ZNF804B: variants seen among roughly 807,000 people sequenced by gnomAD.
ZNF804B encodes zinc finger 804B.
Under a neutral mutation model 101.4 loss-of-function variants are expected in ZNF804B, and 80 were observed. The observed-to-expected ratio is 0.79, with a 90% CI of 0.66 to 0.95. ZNF804B has a LOEUF of 0.95. ZNF804B is among the 40% of genes least tolerant of loss of function. ZNF804B has a pLI of 0.00. For synonymous variants in ZNF804B, 622 were observed against 558.8 expected (o/e 1.11, Z -1.59); for missense variants, 1,673 against 1,561.9 (o/e 1.07, Z -1.20).
intron 1 of ZNF804B, among the ~76,000 whole-genome samples, chr7:89,208,387 T>G (rs1175459504): frequency 6.6e-6 from 1 of 152,140 alleles, no homozygotes; most frequent in African/African-American, 2.4e-5. Context: ...TAGCCCTGTT[T>G]TATTGGTTGT....
rs562327179 is a variant in ZNF804B, at chr7:89,278,426, G to A, written c.250-48918G>A. ...TGTTTTAGACATGAAGTCCTTGCCC[G>A]TGCCTATGTCCTGAATGGTAATGCC... is the stretch of plus-strand genomic sequence containing the variant. On this transcript the variant is annotated intron_variant, in intron 2 of 3. Coordinates refer to ENST00000333190, the MANE Select transcript of ZNF804B (RefSeq NM_181646.5). Among the ~76,000 whole-genome samples the A allele has an allele frequency of 2.1e-4, 32 of 150,274 alleles. No homozygotes were observed. The East Asian group carries it at 3.9e-3, about 18-fold the overall frequency.
At chr7:89,314,945 G>A (rs1790700662) in intron 2 of ZNF804B, among the ~76,000 whole-genome samples, 1 of 152,148 alleles carries the variant, frequency 6.6e-6, no homozygotes, top group South Asian at 2.1e-4. Flanking sequence ...TGGTGAACAG[G>A]TGTGTATTAG....
At chr7:89,286,744 C>G (rs1790204793) in intron 2 of ZNF804B, among the ~76,000 whole-genome samples, 1 of 152,176 alleles carries the variant, frequency 6.6e-6, no homozygotes, top group Admixed American at 6.5e-5. Flanking sequence ...TCTGATTATT[C>G]AAGACCACTT....
intron 2 of ZNF804B, among the ~76,000 whole-genome samples, chr7:89,316,214 G>A (rs933320201): frequency 2.0e-5 from 3 of 152,048 alleles, no homozygotes; most frequent in African/African-American, 7.2e-5. Flanking sequence ...AAATGAAGCT[G>A]TGTTCTTCCT....
At chr7:89,087,688 A>G (rs1273745991) in intron 1 of ZNF804B, among the ~76,000 whole-genome samples, 1 of 152,004 alleles carries the variant, frequency 6.6e-6, no homozygotes, top group African/African-American at 2.4e-5. Flanking sequence ...GGTAGAAGAC[A>G]TTGACTCTCA....
chr7:89,156,731 C>G (rs748258115), intron 1 of ZNF804B, among the ~76,000 whole-genome samples: 2 of 151,898 alleles, frequency 1.3e-5, no homozygotes, highest in South Asian at 2.1e-4. Context: ...CACCATTTCT[C>G]TAATGCAAAA....
rs1791719070 is a variant in ZNF804B, at chr7:88,865,885, T to C, written c.108+105801T>C. On this transcript the variant is annotated intron_variant, in intron 1 of 3. Transcript: ENST00000333190. ...TTAGTCTGAATGTCACGCCCCTCCT[T>C]ACTTAAAATGGCATCCTGCCCTTCC... Among the ~76,000 whole-genome samples the C allele has an allele frequency of 1.3e-5, 2 of 152,228 alleles. 1 individual carries two copies. Among genetic ancestry groups the C allele is most frequent in the South Asian group, 4.1e-4 (2 of 4,828 alleles).
intron 2 of ZNF804B, among the ~76,000 whole-genome samples, chr7:89,273,848 A>G (rs1356147921): frequency 6.6e-6 from 1 of 152,192 alleles, no homozygotes; most frequent in African/African-American, 2.4e-5. Flanking sequence ...ATTTCTCTAA[A>G]TAACGATAAA....
At chr7:89,142,478 G>C (rs1790731479) in intron 1 of ZNF804B, among the ~76,000 whole-genome samples, 1 of 151,956 alleles carries the variant, frequency 6.6e-6, no homozygotes, top group South Asian at 2.1e-4. Flanking sequence ...ATGTGGTTTT[G>C]CTTCAAGTGA....
At chr7:89,015,948 C>A (rs1246222702) in intron 1 of ZNF804B, among the ~76,000 whole-genome samples, 1 of 151,880 alleles carries the variant, frequency 6.6e-6, no homozygotes, top group Non-Finnish European at 1.5e-5. Context: ...TTTACAGTCC[C>A]ACCAACAGTG....
At chr7:89,307,563 CATTT>C (rs549510612) in intron 2 of ZNF804B, among the ~76,000 whole-genome samples, 23 of 152,018 alleles carry the variant, frequency 1.5e-4, no homozygotes, top group Non-Finnish European at 2.8e-4. Flanking sequence ...GCAATTCATT[CATTT>C]AGAGTATCTT....
intron 1 of ZNF804B, among the ~76,000 whole-genome samples, chr7:88,964,204 A>G (rs1793426111): frequency 6.6e-6 from 1 of 151,494 alleles, no homozygotes; most frequent in African/African-American, 2.4e-5. Context: ...ACTGAAAGCA[A>G]GAACTTGAAC....
At chr7:88,898,345 C>CA (rs1163368162) in intron 1 of ZNF804B, among the ~76,000 whole-genome samples, 2 of 152,050 alleles carry the variant, frequency 1.3e-5, no homozygotes, top group Non-Finnish European at 1.5e-5. Context: ...CTCGGCCTCC[C>CA]AACGTGCTGG....
At chr7:88,816,306 C>T (rs1790876251) in intron 1 of ZNF804B, among the ~76,000 whole-genome samples, 1 of 152,128 alleles carries the variant, frequency 6.6e-6, no homozygotes, top group Non-Finnish European at 1.5e-5. Flanking sequence ...CAATACCATT[C>T]AGGATATAGG....
chr7:89,035,232 T>A (rs1031457091), intron 1 of ZNF804B, among the ~76,000 whole-genome samples: 7 of 152,272 alleles, frequency 4.6e-5, no homozygotes. Flanking sequence ...GTTACTGTTA[T>A]AATTATTGAT....
intron 1 of ZNF804B, among the ~76,000 whole-genome samples, chr7:89,072,116 G>A (rs559054586): frequency 6.6e-6 from 1 of 152,296 alleles, no homozygotes; most frequent in East Asian, 1.9e-4. Context: ...AGGCTTTAGA[G>A]AAATGGTTTC....
intron 1 of ZNF804B, among the ~76,000 whole-genome samples, chr7:88,847,999 G>A (rs920485084): frequency 1.3e-5 from 2 of 152,116 alleles, no homozygotes; most frequent in Non-Finnish European, 2.9e-5. Context: ...TACTAATTTG[G>A]TATGGCTAGA....
At chr7:89,183,080 G>A (rs13228264) in intron 1 of ZNF804B, among the ~76,000 whole-genome samples, 64,120 of 151,922 alleles carry the variant, frequency 0.42, 13,970 homozygotes, top group Middle Eastern at 0.48. Context: ...AAAAGTGACC[G>A]GAGAAGGCTA....
At chr7:89,135,924 T>A (rs1371095595) in intron 1 of ZNF804B, among the ~76,000 whole-genome samples, 1 of 152,070 alleles carries the variant, frequency 6.6e-6, no homozygotes, top group Non-Finnish European at 1.5e-5. Flanking sequence ...AAGCTATCTT[T>A]TGGCTTAATA....
Sources: allele counts gnomAD v4.1 joint callset (sites outside exome capture counted in the v4.1 genomes callset), GRCh38; gene constraint gnomAD v4.1.1; transcripts MANE v1.5; gene names NCBI Gene and HGNC (gene_info 2026-07-23, HGNC 2026-07-21).